Variants in FAM161A observed in about 807,000 individuals in gnomAD.
The protein encoded by FAM161A is protein FAM161A.
FAM161A carries 57 observed loss-of-function variants against 70.9 expected under a neutral mutation model. The ratio of observed to expected loss-of-function variants is 0.80; its 90% CI spans 0.65 to 1.00. The LOEUF (loss-of-function observed/expected upper bound fraction) is 1.00. FAM161A is among the 50% of genes least tolerant of loss of function. The probability of loss-of-function intolerance (pLI) is 0.00; values close to 1 mark genes in which losing one functional copy is unlikely to be tolerated. For missense variants in FAM161A, 880 were observed against 836.0 expected, an observed-to-expected ratio of 1.05 and a Z score of -0.65; for synonymous variants, 299 against 295.7, an observed-to-expected ratio of 1.01 and a Z score of -0.12.
chr2:61,816,964 G>A, the FAM161A span, among the ~76,000 whole-genome samples: 2 of 152,164 alleles, frequency 1.3e-5, no homozygotes, highest in Non-Finnish European at 2.9e-5. Context: ...CGGAGTGGGA[G>A]GGGAGAAATA....
At position 61,836,102 on chromosome 2, in the gene FAM161A, C is replaced by T. The variant is rs868226745; in HGVS notation, c.1759G>A (p.Glu587Lys). The change falls in exon 5 of 7, where the codon GAA (glutamate) becomes AAA (lysine). Residue 587 changes from glutamate to lysine, a missense_variant. Coordinates refer to ENST00000404929, the MANE Select transcript of FAM161A (RefSeq NM_001201543.2). Reference protein sequence around the residue: ...KSRVKCLRKSEKERMREYQRE... With the variant: ...KSRVKCLRKSKKERMREYQRE... ...TGGTATTCTCTCATCCTTTCCTTTT[C>T]GCTCTTTCTAAAATTAAAGAAAAGC... 67 of 1,605,686 alleles carry T rather than the reference C, an allele frequency of 4.2e-5. No individual in the cohort carries two copies. The Middle Eastern group carries it at 6.7e-4, about 16-fold the overall frequency.
Position 61,825,342 on chromosome 2 carries a change from A to C in FAM161A, c.*1113T>G, listed in dbSNP as rs947594808. 4.4e-6 allele frequency: 2 copies of C among 454,246 alleles called. No individual in the cohort carries two copies. The highest frequency in any genetic ancestry group is 8.8e-6 in the Non-Finnish European group (2 of 226,790). 28.1% of individuals were successfully genotyped at this position (454,246 alleles called of 1,614,324 possible). ...GTCTAGCAGTGAAGAGTTAAATCTG[A>C]ATTACTTTGGAGACTTGCCCTAGCC... On this transcript the variant is annotated 3_prime_UTR_variant, in exon 7 of 7. Coordinates refer to ENST00000404929, the MANE Select transcript of FAM161A (RefSeq NM_001201543.2).
intron 3 of FAM161A, among the ~76,000 whole-genome samples, chr2:61,839,008 G>C (rs1672891518): frequency 6.6e-6 from 1 of 151,464 alleles, no homozygotes; most frequent in Non-Finnish European, 1.5e-5. Context: ...TCAGCCTCCT[G>C]AGTAGCTGGG....
downstream of FAM161A, among the ~76,000 whole-genome samples, chr2:61,821,780 TA>T (rs1672208254): frequency 6.6e-6 from 1 of 151,882 alleles, no homozygotes; most frequent in South Asian, 2.1e-4. Flanking sequence ...TTATTATTAT[TA>T]TTTTTTTAGA....
chr2:61,813,889 G>A, the FAM161A span, among the ~76,000 whole-genome samples: 1 of 152,128 alleles, frequency 6.6e-6, no homozygotes, highest in African/African-American at 2.4e-5. Flanking sequence ...CCAGGCCTGG[G>A]GATAGAAAGT....
the FAM161A span, among the ~76,000 whole-genome samples, chr2:61,811,635 A>G: frequency 1.3e-5 from 2 of 152,026 alleles, no homozygotes; most frequent in Non-Finnish European, 1.5e-5. Context: ...GGCCTCCCAA[A>G]GTGCTGGGAT....
intron 1 of FAM161A, among the ~76,000 whole-genome samples, chr2:61,843,446 A>G (rs1673093602): frequency 6.6e-6 from 1 of 152,182 alleles, no homozygotes; most frequent in African/African-American, 2.4e-5. Flanking sequence ...CTTTTAATTG[A>G]AGCAACTAAA....
chr2:61,842,319 T>C lies in FAM161A; in HGVS notation c.225A>G (p.Ala75=). Residue 75 remains alanine, a synonymous_variant, in exon 2 of 7, where the codon GCA becomes GCG. Coordinates refer to ENST00000404929, the MANE Select transcript of FAM161A (RefSeq NM_001201543.2). ...TCACAAAGTCCTCATAGCTTATCGG[T>C]GCATGTTCATCCACCCCAGAAAAGC... ...NTSFSGVDEH[A]PISYEDFVNF... is the part of the protein sequence containing the mutation. 1 of 1,586,938 alleles carries C rather than the reference T, an allele frequency of 6.3e-7. No individual in the cohort carries two copies. The highest frequency in any genetic ancestry group is 1.1e-5 in the South Asian group (1 of 88,638).
At chr2:61,821,637 G>A (rs180928446), downstream of FAM161A, among the ~76,000 whole-genome samples, 55 of 152,040 alleles carry the variant, frequency 3.6e-4, no homozygotes, top group African/African-American at 1.3e-3. Context: ...TCACGCTGTT[G>A]CCCAGGCTGG....
At chr2:61,804,016 A>C in the FAM161A span, among the ~76,000 whole-genome samples, 1 of 152,344 alleles carries the variant, frequency 6.6e-6, no homozygotes, top group East Asian at 1.9e-4. Flanking sequence ...GCTACTCCAT[A>C]GACAGAGGAG....
chr2:61,803,381 C>A, the FAM161A span: 1 of 698,138 alleles, frequency 1.4e-6, no homozygotes, highest in South Asian at 1.4e-5. Flanking sequence ...AAAAAGACCT[C>A]AAGAAAGCAA....
At chr2:61,846,816 T>C (rs1033242691) in intron 1 of FAM161A, 1 of 401,200 alleles carries the variant, frequency 2.5e-6, no homozygotes, top group Admixed American at 2.7e-5. Context: ...TAGCAACGGT[T>C]ATTCATCTGG....
chr2:61,817,611 C>T, the FAM161A span, among the ~76,000 whole-genome samples: 2 of 152,220 alleles, frequency 1.3e-5, no homozygotes, highest in Non-Finnish European at 2.9e-5. Context: ...GAGATACACT[C>T]AGCTTAGGAC....
chr2:61,804,242 C>T, the FAM161A span, among the ~76,000 whole-genome samples: 4 of 152,104 alleles, frequency 2.6e-5, no homozygotes, highest in Non-Finnish European at 4.4e-5. Context: ...GGGTTTTAGC[C>T]GACTTCTTTA....
At chr2:61,809,320 A>G in the FAM161A span, among the ~76,000 whole-genome samples, 1 of 151,762 alleles carries the variant, frequency 6.6e-6, no homozygotes, top group Non-Finnish European at 1.5e-5. Context: ...CAGCCTTCTG[A>G]CCTCTTCTTT....
the FAM161A span, among the ~76,000 whole-genome samples, chr2:61,816,120 G>A: frequency 6.6e-6 from 1 of 152,002 alleles, no homozygotes; most frequent in African/African-American, 2.4e-5. Flanking sequence ...TGGATCTTTG[G>A]GTGGCAGTGA....
chr2:61,819,611 G>C, the FAM161A span, among the ~76,000 whole-genome samples: 1 of 151,916 alleles, frequency 6.6e-6, no homozygotes, highest in Non-Finnish European at 1.5e-5. Flanking sequence ...TTCTATATTA[G>C]TGAACATTTT....
chr2:61,840,750 A>T (rs1252617551), intron 2 of FAM161A, among the ~76,000 whole-genome samples, 169 bp from the exon 3 acceptor site: 1 of 152,050 alleles, frequency 6.6e-6, no homozygotes, highest in Non-Finnish European at 1.5e-5. Flanking sequence ...TCCCAGGTTC[A>T]AGCAATTCTC....
intron 1 of FAM161A, among the ~76,000 whole-genome samples, chr2:61,851,490 A>G (rs1039489500): frequency 1.3e-5 from 2 of 152,090 alleles, no homozygotes; most frequent in Non-Finnish European, 1.5e-5. Flanking sequence ...GCGTGCCACC[A>G]CGTCCGGCTA....
Sources: allele counts gnomAD v4.1 joint callset (sites outside exome capture counted in the v4.1 genomes callset), GRCh38; gene constraint gnomAD v4.1.1; transcripts MANE v1.5; gene names NCBI Gene and HGNC (gene_info 2026-07-23, HGNC 2026-07-21).